The following EXTL3 variants were observed in gnomAD, a reference collection of about 807,000 sequenced individuals.
EXTL3 encodes exostosin like glycosyltransferase 3, also known as exostosin-like 3.
Under a neutral mutation model 69.3 loss-of-function variants are expected in EXTL3, and 27 were observed. The ratio of observed to expected loss-of-function variants is 0.39; its 90% CI spans 0.29 to 0.54. The LOEUF is 0.54. Among genes scored for constraint, EXTL3 ranks in the 20% least tolerant of loss-of-function variants. The pLI, the probability that EXTL3 is intolerant of heterozygous loss-of-function variation, is 0.69. For synonymous variants in EXTL3, 511 were observed against 499.4 expected, an observed-to-expected ratio of 1.02 and a Z score of -0.31; for missense variants, 1,003 against 1,231.8, an observed-to-expected ratio of 0.81 and a Z score of 2.78.
chr8:28,724,550 G>A (rs1801368767), intron 3 of EXTL3, among the ~76,000 whole-genome samples: 2 of 151,080 alleles, frequency 1.3e-5, no homozygotes, highest in South Asian at 2.1e-4. Context: ...GGTGGATCGC[G>A]AGGTCAGGAG....
chr8:28,657,691 A>G (rs1807033713), intron 1 of EXTL3, among the ~76,000 whole-genome samples: 2 of 151,222 alleles, frequency 1.3e-5, no homozygotes, highest in Admixed American at 1.3e-4. Context: ...TGCTTATTTA[A>G]AAAAAAAATT....
At position 28,623,415 on chromosome 8, in the gene EXTL3, C is replaced by A. The variant is rs1806444739; in HGVS notation, c.-53+605C>A. Among the ~76,000 whole-genome samples, 2 of 152,186 alleles carry A rather than the reference C, an allele frequency of 1.3e-5. No homozygotes were observed. The highest frequency in any genetic ancestry group is 1.3e-4 in the Admixed American group (2 of 15,288). ...TTAATTTGGGATCCCACAATTTGAGCTTTTCAAAAGTTAAGTTTGGCAGAT... is the reference window on the plus strand; with the variant it reads ...TTAATTTGGGATCCCACAATTTGAGATTTTCAAAAGTTAAGTTTGGCAGAT... On this transcript the variant is annotated intron_variant, in intron 1 of 6. Transcript: ENST00000523149. The surrounding 1 kb of genome is among the most constrained non-coding windows in gnomAD (Gnocchi z 4.2).
chr8:28,702,071 T>G (rs1231503262), intron 1 of EXTL3, among the ~76,000 whole-genome samples: 3 of 152,162 alleles, frequency 2.0e-5, no homozygotes, highest in Non-Finnish European at 1.5e-5. Flanking sequence ...CCGCGGCGTT[T>G]CTCTGGCTGC....
intron 1 of EXTL3, among the ~76,000 whole-genome samples, chr8:28,660,838 CTTTTTTTTTTTTT>C (rs58151386): frequency 1.3e-4 from 6 of 46,956 alleles, no homozygotes; most frequent in South Asian, 1.4e-3. Context: ...CGATTTTTGG[CTTTTTTTTTTTTT>C]TTTTTTTTTT....
chr8:28,644,377 TG>T (rs1381580148), intron 1 of EXTL3, among the ~76,000 whole-genome samples: 9 of 152,170 alleles, frequency 5.9e-5, no homozygotes. Flanking sequence ...ATAGAATCTC[TG>T]GAGTACAGTC....
rs1274080303 is a variant in EXTL3, at chr8:28,706,235, C to G, written c.-570+4576C>G. On this transcript the variant is annotated intron_variant, in intron 1 of 6. Coordinates refer to ENST00000220562, the MANE Select transcript of EXTL3 (RefSeq NM_001440.4). ...AATCTTGCTCACCTAAAATATATTC[C>G]TAGAAAGTGAAATTGCTGAATCAGA... Among the ~76,000 whole-genome samples the G allele has an allele frequency of 2.6e-5, 4 of 152,054 alleles. No homozygotes were observed. The East Asian group carries it at 7.7e-4, about 29-fold the overall frequency.
At chr8:28,663,085 C>T (rs1281993977) in intron 1 of EXTL3, among the ~76,000 whole-genome samples, 1 of 152,204 alleles carries the variant, frequency 6.6e-6, no homozygotes, top group Non-Finnish European at 1.5e-5. Context: ...AATGCTCTAT[C>T]CACATGCAAT....
Position 28,717,370 on chromosome 8 carries a change from G to A in EXTL3, c.1311G>A (p.Gly437=), listed in dbSNP as rs778112584. The change falls in exon 3 of 7, where the codon GGG becomes GGA. Residue 437 remains glycine, a synonymous_variant. Transcript: ENST00000220562. The surrounding 1 kb of genome is among the most constrained non-coding windows in gnomAD (Gnocchi z 8.3). ...LSTFALIITP[G]DPRLVISSGC... ...CCTTCGCCCTCATCATTACCCCCGGGGACCCTCGCTTGGTTATTTCCTCTG... is the reference window on the plus strand; with the variant it reads ...CCTTCGCCCTCATCATTACCCCCGGAGACCCTCGCTTGGTTATTTCCTCTG... The A allele has an allele frequency of 1.3e-5, 21 of 1,614,188 alleles. No homozygotes were observed. Among genetic ancestry groups the A allele is most frequent in the Admixed American group, 1.7e-5 (1 of 60,016 alleles).
intron 1 of EXTL3, among the ~76,000 whole-genome samples, chr8:28,632,743 G>A (rs1280090917): frequency 2.6e-5 from 4 of 151,514 alleles, no homozygotes; most frequent in African/African-American, 4.8e-5. Context: ...TAGTAGAGAC[G>A]GGGTTTCACC....
intron 1 of EXTL3, among the ~76,000 whole-genome samples, chr8:28,643,923 G>A (rs571106036): frequency 7.9e-5 from 12 of 151,944 alleles, no homozygotes; most frequent in Non-Finnish European, 1.6e-4. Flanking sequence ...GCACCACCAC[G>A]CCTAGCTAAT....
At chr8:28,668,557 G>A (rs1227469813) in intron 1 of EXTL3, among the ~76,000 whole-genome samples, 1 of 151,810 alleles carries the variant, frequency 6.6e-6, no homozygotes, top group South Asian at 2.1e-4. Flanking sequence ...GGATGGTCTC[G>A]AACTTGTGAC....
intron 1 of EXTL3, among the ~76,000 whole-genome samples, chr8:28,632,120 T>A (rs2130564083): frequency 6.6e-6 from 1 of 150,860 alleles, no homozygotes; most frequent in South Asian, 2.1e-4. Context: ...AAAAAATTTA[T>A]CTTGGGCCAG....
intron 6 of EXTL3, among the ~76,000 whole-genome samples, chr8:28,747,670 T>TA (rs941874784): frequency 4.1e-4 from 63 of 151,966 alleles, no homozygotes; most frequent in African/African-American, 1.5e-3. Context: ...TATTTATACA[T>TA]ACATATATAT....
rs547531111 is a variant in EXTL3 at position 28,661,836 on chromosome 8, G to A, written c.-53+39026G>A. Reference sequence around the variant, plus strand: ...GGAGGCAGAGGTTGCAGTGAGCCAAGGTTGCGCCACTGCACTCCAGCCTGG... The same window carrying A: ...GGAGGCAGAGGTTGCAGTGAGCCAAAGTTGCGCCACTGCACTCCAGCCTGG... On this transcript the variant is annotated intron_variant, in intron 1 of 6. Coordinates refer to the EXTL3 transcript ENST00000523149. Among the ~76,000 whole-genome samples, 205 of 151,806 alleles carry A rather than the reference G, an allele frequency of 1.4e-3. 1 individual carries two copies. Among genetic ancestry groups the A allele is most frequent in the African/African-American group, 4.7e-3 (193 of 41,422 alleles).
chr8:28,611,030 A>G (rs916545436), intron 2 of EXTL3, among the ~76,000 whole-genome samples: 8 of 152,224 alleles, frequency 5.3e-5, no homozygotes, highest in Non-Finnish European at 1.2e-4. Context: ...GGCGTCAGCC[A>G]CTGCACCCCC....
chr8:28,638,861 C>A (rs1000985329), intron 1 of EXTL3, among the ~76,000 whole-genome samples: 1 of 151,854 alleles, frequency 6.6e-6, no homozygotes, highest in Non-Finnish European at 1.5e-5. Context: ...GAACTCCTGA[C>A]GTCAGGTGAT....
At chr8:28,737,716 T>TGTGGTAGCGGAATGCTGCCCAG in intron 5 of EXTL3, 53 bp downstream of exon 5, 1 of 1,595,458 alleles carries the variant, frequency 6.3e-7, no homozygotes, top group Non-Finnish European at 8.6e-7. Context: ...TTCACCTTTG[T>TGTGGTAGCGGAATGCTGCCCAG]GTGGTAGCGG....
intron 1 of EXTL3, among the ~76,000 whole-genome samples, chr8:28,679,591 C>T (rs1454704907): frequency 6.6e-6 from 1 of 152,162 alleles, no homozygotes; most frequent in East Asian, 1.9e-4. Context: ...CTAAACATAG[C>T]TAGGTGTCGT....
chr8:28,722,994 G>A (rs182901465), intron 3 of EXTL3, among the ~76,000 whole-genome samples: 5 of 152,190 alleles, frequency 3.3e-5, no homozygotes, highest in South Asian at 2.1e-4. Flanking sequence ...CACTCTTGGC[G>A]TCAGGAACTT....
Sources: allele counts gnomAD v4.1 joint callset (sites outside exome capture counted in the v4.1 genomes callset), GRCh38; gene constraint gnomAD v4.1.1; non-coding constraint Gnocchi (gnomAD v3.1); transcripts MANE v1.5; gene names NCBI Gene and HGNC (gene_info 2026-07-23, HGNC 2026-07-21).